Variants in FOXO3 observed in about 807,000 individuals in gnomAD.
FOXO3 encodes the protein forkhead box protein O3.
In FOXO3, 4 loss-of-function variants were observed where a neutral mutation model predicts 41.9. The observed-to-expected ratio is 0.10, with a 90% CI of 0.05 to 0.22. The LOEUF (loss-of-function observed/expected upper bound fraction) is 0.22. Ranked by LOEUF, FOXO3 falls within the 10% of genes least tolerant of loss-of-function variation. The pLI is 1.00. For synonymous variants in FOXO3, 318 were observed against 389.3 expected (o/e 0.82, Z 2.16); for missense variants, 534 against 906.8 (o/e 0.59, Z 5.28).
At chr6:108,630,494 G>A (rs1274308864) in intron 1 of FOXO3, among the ~76,000 whole-genome samples, 2 of 152,114 alleles carry the variant, frequency 1.3e-5, no homozygotes, top group Non-Finnish European at 2.9e-5. Flanking sequence ...GTAGTATTGC[G>A]GACCTGGCTG....
intron 1 of FOXO3, among the ~76,000 whole-genome samples, chr6:108,582,014 T>A (rs565458529): frequency 1.3e-5 from 2 of 152,316 alleles, no homozygotes; most frequent in South Asian, 4.1e-4. Context: ...TTTAAAAATA[T>A]AGGCTGCATA....
intron 1 of FOXO3, among the ~76,000 whole-genome samples, chr6:108,651,294 A>G (rs2128382625): frequency 6.6e-6 from 1 of 152,352 alleles, no homozygotes; most frequent in Middle Eastern, 3.4e-3. Flanking sequence ...TAGGATAATT[A>G]ACATTGACAC....
chr6:108,613,399 A>G (rs1205638321), intron 1 of FOXO3, among the ~76,000 whole-genome samples: 7 of 152,212 alleles, frequency 4.6e-5, no homozygotes, highest in Non-Finnish European at 8.8e-5. Flanking sequence ...CTGCTAATTC[A>G]ATTTATTTCA....
chr6:108,587,382 A>G (rs1445378851), intron 1 of FOXO3, among the ~76,000 whole-genome samples: 2 of 152,162 alleles, frequency 1.3e-5, no homozygotes, highest in African/African-American at 4.8e-5. Flanking sequence ...CAAATTGCTC[A>G]AGGGAGTAAG....
rs551387641 is a variant in FOXO3 at position 108,603,752 on chromosome 6, C to G, written c.621+41923C>G. On this transcript the variant is annotated intron_variant, in intron 1 of 2. Coordinates refer to ENST00000406360, the MANE Select transcript of FOXO3 (RefSeq NM_001455.4). ...TCTTCTTTGAACTAATCCTGGACAG[C>G]CTTTCCCAAACTGAGGGTGTGCCAT... Among the ~76,000 whole-genome samples, 22 of 152,198 alleles carry G rather than the reference C, an allele frequency of 1.4e-4. No individual in the cohort carries two copies. In the South Asian group the frequency reaches 4.1e-3, roughly 29 times the overall value.
chr6:108,592,104 C>T (rs888180056), intron 1 of FOXO3, among the ~76,000 whole-genome samples: 1 of 152,088 alleles, frequency 6.6e-6, no homozygotes, highest in African/African-American at 2.4e-5. Context: ...AGCAGATCAG[C>T]GATTGCCAGG....
chr6:108,653,752 T>C (rs1020843888), intron 1 of FOXO3, among the ~76,000 whole-genome samples: 2 of 152,224 alleles, frequency 1.3e-5, no homozygotes, highest in African/African-American at 4.8e-5. Context: ...CCACACACAG[T>C]AAGTTTTCAA....
chr6:108,658,507 G>C (rs1778753082), intron 1 of FOXO3, among the ~76,000 whole-genome samples: 1 of 152,152 alleles, frequency 6.6e-6, no homozygotes, highest in African/African-American at 2.4e-5. Flanking sequence ...CTTTGTTTCA[G>C]AATCTAAGAG....
At chr6:108,629,204 G>A (rs1298006198) in intron 1 of FOXO3, among the ~76,000 whole-genome samples, 1 of 152,158 alleles carries the variant, frequency 6.6e-6, no homozygotes, top group Non-Finnish European at 1.5e-5. Context: ...AACAGTCAGA[G>A]GGTGGTGGAC....
intron 1 of FOXO3, among the ~76,000 whole-genome samples, chr6:108,606,277 T>G (rs1777198139): frequency 6.6e-6 from 1 of 152,298 alleles, no homozygotes; most frequent in South Asian, 2.1e-4. Flanking sequence ...GATAAGGAGG[T>G]CTCTCTGAAT....
At chr6:108,609,930 T>C (rs1259835520) in intron 1 of FOXO3, among the ~76,000 whole-genome samples, 2 of 152,198 alleles carry the variant, frequency 1.3e-5, no homozygotes, top group Non-Finnish European at 2.9e-5. Context: ...TTTTTAAATG[T>C]ACACATACAT....
intron 2 of FOXO3, among the ~76,000 whole-genome samples, chr6:108,679,339 G>C (rs963192145): frequency 2.6e-4 from 40 of 152,070 alleles, no homozygotes; most frequent in Non-Finnish European, 7.3e-5. Context: ...GAAAAGGGTG[G>C]TAAGCAATTC....
chr6:108,646,020 A>T (rs888603585), intron 1 of FOXO3, among the ~76,000 whole-genome samples: 2 of 152,156 alleles, frequency 1.3e-5, no homozygotes, highest in African/African-American at 4.8e-5. Flanking sequence ...AAAGAAGTCT[A>T]GGGCTTGTGT....
intron 1 of FOXO3, among the ~76,000 whole-genome samples, 189 bp downstream of exon 1, chr6:108,562,018 G>A (rs1298284200): frequency 1.3e-5 from 2 of 152,114 alleles, no homozygotes; most frequent in Non-Finnish European, 2.9e-5. Flanking sequence ...GGTCTCGGAG[G>A]GGTGAATGAG....
intron 1 of FOXO3, among the ~76,000 whole-genome samples, chr6:108,624,909 G>A (rs1284158728): frequency 6.6e-6 from 1 of 152,038 alleles, no homozygotes. Flanking sequence ...AGCTGGAATT[G>A]GAGATACAAG....
intron 1 of FOXO3, among the ~76,000 whole-genome samples, chr6:108,568,461 C>T (rs1776006057): frequency 2.0e-5 from 3 of 152,150 alleles, no homozygotes; most frequent in African/African-American, 7.2e-5. Context: ...TCTTTCAACG[C>T]CACCTTACCC....
intron 2 of FOXO3, among the ~76,000 whole-genome samples, chr6:108,666,517 T>TA (rs1203149899): frequency 7.9e-5 from 12 of 151,038 alleles, no homozygotes; most frequent in African/African-American, 2.4e-4. Flanking sequence ...TTTTTTTTTT[T>TA]AATTTTTAGT....
chr6:108,581,849 C>T (rs915460851), intron 1 of FOXO3, among the ~76,000 whole-genome samples: 1 of 152,104 alleles, frequency 6.6e-6, no homozygotes, highest in African/African-American at 2.4e-5. Context: ...CATCTTTCCC[C>T]CATTATCTCC....
At chr6:108,660,823 G>A (rs1307315549) in intron 1 of FOXO3, among the ~76,000 whole-genome samples, 2 of 152,160 alleles carry the variant, frequency 1.3e-5, no homozygotes, top group Admixed American at 6.5e-5. Context: ...TGGCTAACAC[G>A]ATGTAGAGAC....
Sources: gnomAD v4.1 joint callset for allele counts (sites outside exome capture counted in the v4.1 genomes callset) on GRCh38, gnomAD v4.1.1 for gene constraint, MANE v1.5 for transcripts, NCBI Gene and HGNC (gene_info 2026-07-23, HGNC 2026-07-21) for gene names.